TMEM178B: variants seen among roughly 807,000 people sequenced by gnomAD.
TMEM178B encodes the protein transmembrane protein 178B.
A neutral mutation model predicts 31.0 loss-of-function variants in TMEM178B; 5 were observed. The ratio of observed to expected loss-of-function variants is 0.16; its 90% CI spans 0.08 to 0.34. TMEM178B has a LOEUF of 0.34. Among genes scored for constraint, TMEM178B ranks in the 10% least tolerant of loss-of-function variants. TMEM178B has a pLI of 1.00. For missense variants in TMEM178B, 275 were observed against 400.3 expected (o/e 0.69, Z 2.67); for synonymous variants, 164 against 164.0 (o/e 1.00, Z 0.00).
At chr7:141,493,532 G>A in the TMEM178B span, among the ~76,000 whole-genome samples, 1 of 152,158 alleles carries the variant, frequency 6.6e-6, no homozygotes, top group African/African-American at 2.4e-5. Flanking sequence ...GCCCACCTGC[G>A]GCTGCAGTCC....
At chr7:141,381,574 T>C (rs1443242944) in intron 2 of TMEM178B, among the ~76,000 whole-genome samples, 4 of 152,218 alleles carry the variant, frequency 2.6e-5, no homozygotes, top group Non-Finnish European at 5.9e-5. Context: ...CCCACCAACC[T>C]TATTTGATTA....
chr7:141,330,646 T>C (rs538893631), intron 2 of TMEM178B, among the ~76,000 whole-genome samples: 1 of 152,064 alleles, frequency 6.6e-6, no homozygotes, highest in Non-Finnish European at 1.5e-5. Flanking sequence ...TCAGAGAAGA[T>C]GGAAGTGAAA....
At chr7:141,258,787 C>T (rs73737731) in intron 2 of TMEM178B, among the ~76,000 whole-genome samples, 256 of 152,270 alleles carry the variant, frequency 1.7e-3, no homozygotes, top group African/African-American at 5.8e-3. Context: ...TAGGTCATCT[C>T]GCTGTCTTCT....
chr7:141,294,842 C>G (rs1798604359), intron 2 of TMEM178B, among the ~76,000 whole-genome samples: 1 of 152,194 alleles, frequency 6.6e-6, no homozygotes, highest in Non-Finnish European at 1.5e-5. Flanking sequence ...GAAGCCCCTG[C>G]CTTTTCCGCC....
At chr7:141,211,545 C>T (rs186374731) in intron 1 of TMEM178B, among the ~76,000 whole-genome samples, 23 of 152,106 alleles carry the variant, frequency 1.5e-4, no homozygotes, top group Admixed American at 1.4e-3. Context: ...AATTTAAAAC[C>T]CCCTAACCTT....
intron 2 of TMEM178B, among the ~76,000 whole-genome samples, chr7:141,277,514 C>A (rs1258575200): frequency 6.6e-6 from 1 of 152,152 alleles, no homozygotes; most frequent in African/African-American, 2.4e-5. Context: ...CCTGAAGGAC[C>A]TGCCTGAGGC....
At chr7:141,135,964 G>A (rs748399573) in intron 1 of TMEM178B, among the ~76,000 whole-genome samples, 11 of 151,858 alleles carry the variant, frequency 7.2e-5, no homozygotes, top group Non-Finnish European at 1.5e-4. Context: ...CTGCTAGCTA[G>A]ACTAACCAAG....
intron 2 of TMEM178B, among the ~76,000 whole-genome samples, chr7:141,433,788 C>G (rs1310728971): frequency 1.3e-5 from 2 of 152,218 alleles, no homozygotes; most frequent in Admixed American, 6.5e-5. Flanking sequence ...TGCAGCTTCC[C>G]TGAGTTACCA....
At chr7:141,256,751 T>G (rs1427940424) in intron 2 of TMEM178B, among the ~76,000 whole-genome samples, 1 of 152,058 alleles carries the variant, frequency 6.6e-6, no homozygotes. Flanking sequence ...TGGTGAGAGA[T>G]GATGGTGATT....
chr7:141,114,397 G>A (rs1795285691), intron 1 of TMEM178B, among the ~76,000 whole-genome samples: 1 of 152,080 alleles, frequency 6.6e-6, no homozygotes, highest in Non-Finnish European at 1.5e-5. Context: ...CCCTTCAGCT[G>A]CACTGTATCT....
At chr7:141,162,780 G>A (rs1941673517) in intron 1 of TMEM178B, among the ~76,000 whole-genome samples, 2 of 152,102 alleles carry the variant, frequency 1.3e-5, no homozygotes, top group Non-Finnish European at 2.9e-5. Context: ...GTGCTTTTAT[G>A]GGAGTGAAGA....
intron 2 of TMEM178B, among the ~76,000 whole-genome samples, chr7:141,361,929 C>G (rs370934870): frequency 3.0e-4 from 45 of 152,342 alleles, no homozygotes; most frequent in African/African-American, 1.1e-3. Context: ...AACTGTACTA[C>G]AGACCACAAA....
At chr7:141,116,370 T>C (rs1586778176) in intron 1 of TMEM178B, among the ~76,000 whole-genome samples, 1 of 152,234 alleles carries the variant, frequency 6.6e-6, no homozygotes, top group African/African-American at 2.4e-5. Flanking sequence ...AAAAGAGGAC[T>C]CAGGAGTACA....
At chr7:141,277,090 A>G (rs1798278630) in intron 2 of TMEM178B, among the ~76,000 whole-genome samples, 1 of 152,224 alleles carries the variant, frequency 6.6e-6, no homozygotes, top group South Asian at 2.1e-4. Context: ...CTTTATAAGC[A>G]CTGCACACTT....
chr7:141,421,059 C>A (rs986785372), intron 2 of TMEM178B, among the ~76,000 whole-genome samples: 2 of 152,156 alleles, frequency 1.3e-5, no homozygotes, highest in Non-Finnish European at 2.9e-5. Context: ...CCCAGGACAG[C>A]AGCCACTAGT....
intron 2 of TMEM178B, among the ~76,000 whole-genome samples, chr7:141,327,755 TA>T (rs1329797680): frequency 1.3e-5 from 2 of 152,174 alleles, no homozygotes; most frequent in African/African-American, 4.8e-5. Context: ...GGGTTCCCTA[TA>T]AAAGGATGAG....
rs2116654885 is a variant in TMEM178B, at chr7:141,422,831, C to A, written c.497-14777C>A. Among the ~76,000 whole-genome samples, 1 of 152,194 alleles carries A rather than the reference C, an allele frequency of 6.6e-6. No individual in the cohort carries two copies. The highest frequency in any genetic ancestry group is 2.1e-4 in the South Asian group (1 of 4,822). On this transcript the variant is annotated intron_variant, in intron 2 of 3. Coordinates refer to ENST00000565468, the MANE Select transcript of TMEM178B (RefSeq NM_001195278.2). This position sits in a 1 kb window ranked among gnomAD's most constrained non-coding sequence, Gnocchi z 4.2. ...ACCTTCTGCGTCCATCTCCTGGTCT[C>A]TTGTTATATGTAAACTGAAGGCGGC...
chr7:141,355,014 T>A (rs376871818), intron 2 of TMEM178B, among the ~76,000 whole-genome samples: 4 of 152,230 alleles, frequency 2.6e-5, no homozygotes, highest in East Asian at 3.8e-4. Flanking sequence ...GAATCAAAGT[T>A]GTTTATGTTA....
chr7:141,303,662 T>A (rs1014030468), intron 2 of TMEM178B, among the ~76,000 whole-genome samples: 3 of 152,180 alleles, frequency 2.0e-5, no homozygotes, highest in African/African-American at 7.2e-5. Flanking sequence ...AGAGAGAGCT[T>A]TAGGATCAAT....
Sources: allele counts gnomAD v4.1 joint callset (sites outside exome capture counted in the v4.1 genomes callset), GRCh38; gene constraint gnomAD v4.1.1; non-coding constraint Gnocchi (gnomAD v3.1); transcripts MANE v1.5; gene names NCBI Gene and HGNC (gene_info 2026-07-23, HGNC 2026-07-21).